ACTR3C: variants seen among roughly 807,000 people sequenced by gnomAD.
The protein encoded by ACTR3C is actin-related protein 3C.
ACTR3C carries 18 observed loss-of-function variants against 26.3 expected under a neutral mutation model. The ratio of observed to expected loss-of-function variants is 0.68; its 90% CI spans 0.47 to 1.01. The LOEUF is 1.01. ACTR3C is among the 50% of genes least tolerant of loss of function. The probability of loss-of-function intolerance (pLI) is 0.00; values close to 1 mark genes in which losing one functional copy is unlikely to be tolerated. For synonymous variants in ACTR3C, 55 were observed against 94.5 expected (o/e 0.58, Z 2.42); for missense variants, 184 against 250.7 (o/e 0.73, Z 1.80).
the ACTR3C span, among the ~76,000 whole-genome samples, chr7:150,066,007 C>T: frequency 6.6e-6 from 1 of 152,062 alleles, no homozygotes; most frequent in Non-Finnish European, 1.5e-5. Context: ...ACTTGATAAT[C>T]ACAAAAGAAT....
chr7:150,236,278 C>T, the ACTR3C span, among the ~76,000 whole-genome samples: 1 of 152,188 alleles, frequency 6.6e-6, no homozygotes, highest in South Asian at 2.1e-4. Flanking sequence ...TGATGAACAC[C>T]TAACACTTCC....
At chr7:150,034,775 A>G in the ACTR3C span, among the ~76,000 whole-genome samples, 48,642 of 123,802 alleles carry the variant, frequency 0.39, 6,959 homozygotes, top group East Asian at 0.6. Flanking sequence ...GCCCTAAGCC[A>G]GGGGGGGAAG....
intron 6 of ACTR3C, among the ~76,000 whole-genome samples, chr7:150,265,715 A>G (rs1244475003): frequency 1.3e-5 from 2 of 152,166 alleles, no homozygotes; most frequent in Non-Finnish European, 2.9e-5. Flanking sequence ...TTTTTAATTT[A>G]GAAAGAATTT....
chr7:150,162,935 T>C, the ACTR3C span, among the ~76,000 whole-genome samples: 93 of 152,056 alleles, frequency 6.1e-4, no homozygotes, highest in East Asian at 5.8e-3. Context: ...GTGGATCACC[T>C]GAGGTCAGGA....
chr7:150,256,757 T>A (rs1833247088), intron 6 of ACTR3C, among the ~76,000 whole-genome samples: 1 of 142,824 alleles, frequency 7.0e-6, no homozygotes, highest in African/African-American at 3.0e-5. Context: ...AAACCTAAAA[T>A]GAAAGTTGTA....
the ACTR3C span, among the ~76,000 whole-genome samples, chr7:150,238,736 C>T: frequency 5.4e-5 from 8 of 149,136 alleles, no homozygotes; most frequent in South Asian, 4.2e-4. Flanking sequence ...CATTTACCTA[C>T]TCTAAATAAA....
chr7:150,064,649 TACACACACACACACAC>T, the ACTR3C span, among the ~76,000 whole-genome samples: 8 of 145,138 alleles, frequency 5.5e-5, no homozygotes, highest in Admixed American at 2.1e-4. Flanking sequence ...TATTTTCACA[TACACACACACACACAC>T]ACACACACAC....
chr7:150,119,864 C>T, the ACTR3C span, among the ~76,000 whole-genome samples: 35 of 152,216 alleles, frequency 2.3e-4, 1 homozygote, highest in East Asian at 1.5e-3. Flanking sequence ...TGCAAAAGAA[C>T]GGAAATTAAA....
the ACTR3C span, among the ~76,000 whole-genome samples, chr7:149,967,193 C>A: frequency 6.6e-6 from 1 of 151,918 alleles, no homozygotes; most frequent in African/African-American, 2.4e-5. Context: ...CACCACCACG[C>A]CCGGCTAATT....
chr7:150,024,169 G>A, the ACTR3C span, among the ~76,000 whole-genome samples: 37 of 151,564 alleles, frequency 2.4e-4, no homozygotes, highest in Non-Finnish European at 4.4e-4. Context: ...GAACGTGCTC[G>A]CTGCACAGAG....
the ACTR3C span, among the ~76,000 whole-genome samples, chr7:150,130,051 A>G: frequency 6.6e-6 from 1 of 152,182 alleles, no homozygotes; most frequent in Non-Finnish European, 1.5e-5. Context: ...ATTTTCAATA[A>G]AAGTGCAAGT....
the ACTR3C span, among the ~76,000 whole-genome samples, chr7:149,975,133 G>GT: frequency 6.6e-6 from 1 of 151,912 alleles, no homozygotes; most frequent in East Asian, 1.9e-4. Context: ...AAAATAGACT[G>GT]TATGTGAGGT....
the ACTR3C span, chr7:150,045,057 G>A: frequency 1.4e-5 from 2 of 138,008 alleles, no homozygotes; most frequent in Non-Finnish European, 3.2e-5. Context: ...TTGTCAGCAG[G>A]TGCAAGACAC....
At chr7:150,000,296 C>T in the ACTR3C span, among the ~76,000 whole-genome samples, 66,082 of 135,390 alleles carry the variant, frequency 0.49, 17,014 homozygotes, top group Non-Finnish European at 0.57. Context: ...CTCAATAGCA[C>T]CTTATGCACA....
At chr7:150,088,094 A>G in the ACTR3C span, among the ~76,000 whole-genome samples, 1 of 152,214 alleles carries the variant, frequency 6.6e-6, no homozygotes, top group Non-Finnish European at 1.5e-5. Flanking sequence ...CTCTTGTCAG[A>G]TATTCAATTT....
At chr7:150,037,784 TG>T in the ACTR3C span, among the ~76,000 whole-genome samples, 1 of 36,302 alleles carries the variant, frequency 2.8e-5, no homozygotes, top group South Asian at 8.3e-4. Context: ...CCTCCTGCGA[TG>T]GGGGTCCCCA....
At chr7:150,182,912 T>A in the ACTR3C span, among the ~76,000 whole-genome samples, 24,138 of 150,708 alleles carry the variant, frequency 0.16, 3,896 homozygotes, top group African/African-American at 0.34. Context: ...ATTCTTTATC[T>A]TTTTAACTAT....
chr7:149,932,778 C>CTT, the ACTR3C span, among the ~76,000 whole-genome samples: 3 of 151,012 alleles, frequency 2.0e-5, no homozygotes, highest in Non-Finnish European at 4.4e-5. Context: ...GCAGGGAAGA[C>CTT]TCTTAGACCA....
chr7:150,101,998 T>C, the ACTR3C span, among the ~76,000 whole-genome samples: 15 of 151,788 alleles, frequency 9.9e-5, no homozygotes, highest in East Asian at 2.5e-3. Flanking sequence ...AGGGAGCTGT[T>C]CCTTAAAACT....
Sources: allele counts gnomAD v4.1 joint callset (sites outside exome capture counted in the v4.1 genomes callset), GRCh38; gene constraint gnomAD v4.1.1; transcripts MANE v1.5; gene names NCBI Gene and HGNC (gene_info 2026-07-23, HGNC 2026-07-21).